Variants in NSG2 observed in about 807,000 individuals in gnomAD.
The protein encoded by NSG2 is neuronal vesicle trafficking-associated protein 2.
In NSG2, 4 loss-of-function variants were observed where a neutral mutation model predicts 16.9. The observed-to-expected ratio is 0.24, with a 90% CI of 0.12 to 0.54. The LOEUF (loss-of-function observed/expected upper bound fraction) is 0.54. Ranked by LOEUF, NSG2 falls within the 20% of genes least tolerant of loss-of-function variation. NSG2 has a pLI of 0.95. For missense variants in NSG2, 179 were observed against 221.1 expected, an observed-to-expected ratio of 0.81 and a Z score of 1.21; for synonymous variants, 98 against 88.7, an observed-to-expected ratio of 1.11 and a Z score of -0.59.
rs377339567 is a variant in NSG2 at position 174,064,211 on chromosome 5, C to T, written c.130-21C>T. The T allele has an allele frequency of 8.3e-6, 13 of 1,569,910 alleles. No homozygotes were observed. In the African/African-American group the frequency reaches 1.3e-4, roughly 16 times the overall value. On this transcript the variant is annotated intron_variant, in intron 2 of 4. Transcript: ENST00000303177. ...TGTTTCAAGTCTCCATGCATGCTAA[C>T]ACACTGGTTGACTCTTTCAGGTGAT...
chr5:174,065,823 G>A (rs778694686), intron 3 of NSG2, among the ~76,000 whole-genome samples: 6 of 152,198 alleles, frequency 3.9e-5, no homozygotes, highest in South Asian at 2.1e-4. Context: ...GGCCACAAGC[G>A]AGTCACTAAG....
chr5:174,057,228 C>T (rs758766237), intron 2 of NSG2, among the ~76,000 whole-genome samples: 2 of 152,132 alleles, frequency 1.3e-5, no homozygotes, highest in Non-Finnish European at 2.9e-5. Context: ...ATAGACAAGG[C>T]GCTCAGGGCT....
chr5:174,046,937 A>T, intron 2 of NSG2, 53 bp downstream of exon 2: 1 of 1,585,714 alleles, frequency 6.3e-7, no homozygotes, highest in Non-Finnish European at 8.6e-7. Flanking sequence ...CCATCTCAGG[A>T]AATAAAGCAG....
chr5:174,068,844 A>G (rs1581224027), intron 3 of NSG2, among the ~76,000 whole-genome samples: 1 of 124,634 alleles, frequency 8.0e-6, no homozygotes, highest in African/African-American at 3.1e-5. Flanking sequence ...TCCTGGTGCT[A>G]TGGAAGGTGC....
chr5:174,094,074 A>G (rs922890004), intron 3 of NSG2, among the ~76,000 whole-genome samples: 1 of 152,212 alleles, frequency 6.6e-6, no homozygotes, highest in Non-Finnish European at 1.5e-5. Flanking sequence ...CAGGACAGGA[A>G]AATATGTATC....
At chr5:174,063,164 G>A (rs1373317284) in intron 2 of NSG2, among the ~76,000 whole-genome samples, 2 of 152,184 alleles carry the variant, frequency 1.3e-5, no homozygotes, top group African/African-American at 4.8e-5. Context: ...TTACAAAATA[G>A]GGATATGAAT....
chr5:174,100,224 G>A (rs751431500), intron 3 of NSG2, among the ~76,000 whole-genome samples: 25 of 152,208 alleles, frequency 1.6e-4, no homozygotes, highest in Non-Finnish European at 3.2e-4. Context: ...TGACAGTCAC[G>A]GAGGACACCC....
At chr5:174,105,005 T>C (rs1290577206) in intron 4 of NSG2, among the ~76,000 whole-genome samples, 5 of 148,890 alleles carry the variant, frequency 3.4e-5, no homozygotes, top group Non-Finnish European at 5.9e-5. Flanking sequence ...AGACAGAGTC[T>C]GTTTCAGAGT....
rs531120127 is a variant in NSG2 at position 174,091,805 on chromosome 5, T to C, written c.214-12423T>C. 7.9e-5 allele frequency among the ~76,000 whole-genome samples: 12 copies of C among 152,278 alleles called. No individual in the cohort carries two copies. The East Asian group carries it at 2.3e-3, about 29-fold the overall frequency. ...CCAGGCAAACCTGGCTTCTAGGTCT[T>C]GCTTTACTACTAATTGGCTGGATAA... is the stretch of plus-strand genomic sequence containing the variant. On this transcript the variant is annotated intron_variant, in intron 3 of 4. Transcript: ENST00000303177.
At chr5:174,104,389 T>A (rs757872595) in intron 4 of NSG2, 51 bp downstream of exon 4, 37 of 1,276,550 alleles carry the variant, frequency 2.9e-5, no homozygotes, top group African/African-American at 4.4e-5. Context: ...AGTTAGAGGG[T>A]TGATCAATGT....
intron 2 of NSG2, among the ~76,000 whole-genome samples, chr5:174,047,688 G>A (rs1342752234): frequency 1.3e-5 from 2 of 152,180 alleles, no homozygotes; most frequent in East Asian, 3.8e-4. Flanking sequence ...CTGGCTGATG[G>A]CACATCTCCT....
intron 3 of NSG2, among the ~76,000 whole-genome samples, chr5:174,069,232 G>C (rs928191939): frequency 1.2e-4 from 18 of 152,048 alleles, no homozygotes; most frequent in Non-Finnish European, 2.6e-4. Flanking sequence ...GAGTGCTGGT[G>C]CTCTAAAGGT....
chr5:174,103,762 C>A (rs1230958026), intron 3 of NSG2, among the ~76,000 whole-genome samples: 3 of 152,100 alleles, frequency 2.0e-5, no homozygotes, highest in Non-Finnish European at 4.4e-5. Context: ...GCCTGGCCAA[C>A]ATGGTGAAAC....
intron 3 of NSG2, among the ~76,000 whole-genome samples, chr5:174,075,518 T>A (rs1214584432): frequency 6.6e-6 from 1 of 152,214 alleles, no homozygotes; most frequent in African/African-American, 2.4e-5. Context: ...GTTGGCTCTC[T>A]CGTCCTCTTT....
In NSG2 at chr5:174,107,314, C is replaced by A; in HGVS notation, c.325C>A (p.His109Asn). 1 of 1,553,458 alleles carries A rather than the reference C, an allele frequency of 6.4e-7. No individual in the cohort carries two copies. Among genetic ancestry groups the A allele is most frequent in the South Asian group, 1.2e-5 (1 of 82,650 alleles). ...HSCPEGFVYKHKRCIPASLDA... is the reference protein window; with the variant it reads ...HSCPEGFVYKNKRCIPASLDA... ...CTGACTCTGTCTCTTTCTTCCCCAG[C>A]ACAAACGCTGTATCCCAGCCTCCCT... is the stretch of plus-strand genomic sequence containing the variant. Residue 109 changes from histidine to asparagine, a missense_variant and splice_region_variant, in exon 5 of 5, where the codon CAC (histidine) becomes AAC (asparagine). Physicochemically the swap from His to Asn is moderately conservative, Grantham distance 68. Transcript: ENST00000303177. This position sits in a 1 kb window ranked among gnomAD's most constrained non-coding sequence, Gnocchi z 4.5.
chr5:174,095,759 G>A (rs1480724508), intron 3 of NSG2, among the ~76,000 whole-genome samples: 1 of 152,194 alleles, frequency 6.6e-6, no homozygotes, highest in Non-Finnish European at 1.5e-5. Flanking sequence ...AACTCCGAGA[G>A]ACAGATGTTG....
chr5:174,076,116 A>C (rs1005590355), intron 3 of NSG2, among the ~76,000 whole-genome samples: 1 of 152,188 alleles, frequency 6.6e-6, no homozygotes, highest in Non-Finnish European at 1.5e-5. Context: ...CCTCACCTCC[A>C]TCAGCCTCAG....
intron 2 of NSG2, among the ~76,000 whole-genome samples, chr5:174,063,610 G>C (rs189317426): frequency 0.014 from 2,145 of 149,602 alleles, 26 homozygotes; most frequent in Non-Finnish European, 0.021. Flanking sequence ...TGGGTACATG[G>C]TATATATATT....
intron 3 of NSG2, among the ~76,000 whole-genome samples, chr5:174,065,761 T>C (rs1192464858): frequency 6.6e-6 from 1 of 152,216 alleles, no homozygotes; most frequent in Non-Finnish European, 1.5e-5. Context: ...GGATGGATGA[T>C]GCAGCAGCCT....
Sources: allele counts gnomAD v4.1 joint callset (sites outside exome capture counted in the v4.1 genomes callset), GRCh38; gene constraint gnomAD v4.1.1; non-coding constraint Gnocchi (gnomAD v3.1); transcripts MANE v1.5; gene names NCBI Gene and HGNC (gene_info 2026-07-23, HGNC 2026-07-21).